Variants in ALDH3B2 observed in about 807,000 individuals in gnomAD.
ALDH3B2 encodes aldehyde dehydrogenase 3 family member B2, also known as aldehyde dehydrogenase family 3 member B2.
A neutral mutation model predicts 36.7 loss-of-function variants in ALDH3B2; 45 were observed. That is an observed-to-expected ratio of 1.23 (90% CI 0.97 to 1.57). The LOEUF (loss-of-function observed/expected upper bound fraction) is 1.57. Among genes scored for constraint, ALDH3B2 ranks in the 40% most tolerant of loss-of-function variants. The pLI, the probability that ALDH3B2 is intolerant of heterozygous loss-of-function variation, is 0.00. For synonymous variants in ALDH3B2, 217 were observed against 226.5 expected, an observed-to-expected ratio of 0.96 and a Z score of 0.38; for missense variants, 464 against 513.3, an observed-to-expected ratio of 0.90 and a Z score of 0.93.
At position 67,672,134 on chromosome 11, in the gene ALDH3B2, G is replaced by GTA. The variant is rs59299469; in HGVS notation, c.-245+2301_-245+2302dup. ...TGTGTGTGTGTGTGTGTGTGTGTGT[G>GTA]TATATATATATGTATTTTTTTTTTT... On this transcript the variant is annotated intron_variant, in intron 1 of 9. Transcript: ENST00000349015. Among the ~76,000 whole-genome samples the GTA allele has an allele frequency of 2.1e-3, 209 of 97,602 alleles. 6 individuals carry two copies. The highest frequency in any genetic ancestry group is 7.6e-3 in the African/African-American group (159 of 20,882). 64.0% of individuals were successfully genotyped at this position (97,602 alleles called of 152,430 possible).
chr11:67,666,914 T>C (rs755502152), exon 3 of ALDH3B2: 1 of 1,614,192 alleles, frequency 6.2e-7, no homozygotes, highest in Non-Finnish European at 8.5e-7. Context: ...ACCAGGTTCG[T>C]GGACCGTGGT....
chr11:67,667,037 A>G, intron 2 of ALDH3B2, 21 bp from the exon 3 acceptor site: 2 of 1,484,084 alleles, frequency 1.3e-6, no homozygotes, highest in South Asian at 1.1e-5. Context: ...GGTGGAATTC[A>G]GAGTGGTCAG....
chr11:67,668,594 GT>G (rs1855987151), intron 1 of ALDH3B2, among the ~76,000 whole-genome samples: 1 of 152,044 alleles, frequency 6.6e-6, no homozygotes, highest in African/African-American at 2.4e-5. Flanking sequence ...TTGTGTCTGT[GT>G]GTCTTTGTAT....
At chr11:67,676,901 G>A (rs556845463), upstream of ALDH3B2, among the ~76,000 whole-genome samples, 25 of 152,164 alleles carry the variant, frequency 1.6e-4, no homozygotes, top group African/African-American at 5.8e-4. Context: ...GTTTAAATCA[G>A]GAAGAATTAG....
chr11:67,665,574 G>A lies in ALDH3B2; in HGVS notation c.417C>T (p.Asp139=), dbSNP rs144373609. Reference sequence around the variant, plus strand: ...CCACGGTCTGGGGGTCGCAGTTGTCGTCCACGTAGCAGGGGTTCTTGCCCC... The same window carrying A: ...CCACGGTCTGGGGGTCGCAGTTGTCATCCACGTAGCAGGGGTTCTTGCCCC... Residue 139 remains aspartate, a synonymous_variant, in exon 7 of 10, where the codon GAC becomes GAT. Transcript: ENST00000349015. 513 of 1,614,100 alleles carry A rather than the reference G, an allele frequency of 3.2e-4. 7 individuals carry two copies. In the South Asian group the frequency reaches 4.7e-3, roughly 15 times the overall value.
chr11:67,667,296 G>GT (rs1855947697), intron 2 of ALDH3B2, among the ~76,000 whole-genome samples, 177 bp downstream of exon 2: 2 of 151,024 alleles, frequency 1.3e-5, no homozygotes. Context: ...GGGTGGCTGT[G>GT]AGTGTTCAGG....
At chr11:67,668,372 G>A (rs1486938678) in intron 1 of ALDH3B2, among the ~76,000 whole-genome samples, 1 of 152,132 alleles carries the variant, frequency 6.6e-6, no homozygotes, top group Non-Finnish European at 1.5e-5. Flanking sequence ...GGGCCCAAGG[G>A]AACCCCAGTG....
At chr11:67,665,608 A>G (rs1855884398) in exon 7 of ALDH3B2, 1 of 1,613,820 alleles carries the variant, frequency 6.2e-7, no homozygotes, top group Non-Finnish European at 8.5e-7. Flanking sequence ...CCCCAGCTCC[A>G]GGGTGACAGG....
intron 1 of ALDH3B2, among the ~76,000 whole-genome samples, chr11:67,668,209 T>TGGGGAGGG (rs1460446720): frequency 6.6e-6 from 1 of 152,072 alleles, no homozygotes; most frequent in Non-Finnish European, 1.5e-5. Flanking sequence ...GCACCTGCTC[T>TGGGGAGGG]GGGGAGGGGG....
intron 2 of ALDH3B2, among the ~76,000 whole-genome samples, chr11:67,667,226 C>T (rs1195568374): frequency 1.3e-5 from 2 of 152,204 alleles, no homozygotes; most frequent in African/African-American, 2.4e-5. Context: ...CGATGTTAAC[C>T]CCTGAGTGCC....
intron 1 of ALDH3B2, among the ~76,000 whole-genome samples, chr11:67,680,309 A>G (rs2514058): frequency 0.96 from 146,503 of 152,274 alleles, 70,711 homozygotes; most frequent in Non-Finnish European, 1. Context: ...GTGAGACTCC[A>G]TCTCAAGAAA....
intron 6 of ALDH3B2, 44 bp from the exon 7 acceptor site, chr11:67,665,715 C>T (rs1283044107): frequency 7.0e-6 from 11 of 1,568,780 alleles, no homozygotes. Flanking sequence ...GTGACCTGGA[C>T]CAGGCAGGAT....
chr11:67,672,188 C>T (rs2134154582), intron 1 of ALDH3B2, among the ~76,000 whole-genome samples: 1 of 142,746 alleles, frequency 7.0e-6, no homozygotes, highest in East Asian at 2.0e-4. Context: ...TCTCTTGTTG[C>T]CCAGGCCAGA....
intron 1 of ALDH3B2, among the ~76,000 whole-genome samples, chr11:67,679,853 A>C (rs1030808775): frequency 6.6e-6 from 1 of 152,232 alleles, no homozygotes; most frequent in Non-Finnish European, 1.5e-5. Flanking sequence ...CTTATTTTGC[A>C]CATAAATTGG....
At chr11:67,666,929 C>T (rs1449081853) in exon 3 of ALDH3B2, 1 of 1,614,200 alleles carries the variant, frequency 6.2e-7, no homozygotes. Flanking sequence ...CGTGGTTCAT[C>T]CTTCATCCAG....
At chr11:67,663,148 G>A (rs1221137039) in exon 10 of ALDH3B2, 1 of 1,505,684 alleles carries the variant, frequency 6.6e-7, no homozygotes, top group East Asian at 2.3e-5. Flanking sequence ...ATGTGAGTTG[G>A]GAGCATAAGC....
chr11:67,669,838 G>C (rs1466644460), intron 1 of ALDH3B2, among the ~76,000 whole-genome samples: 2 of 141,130 alleles, frequency 1.4e-5, no homozygotes, highest in Non-Finnish European at 3.1e-5. Context: ...GTGTCTGTGT[G>C]TGTATGGGTG....
chr11:67,678,276 C>T (rs758251032), upstream of ALDH3B2, among the ~76,000 whole-genome samples: 5 of 152,132 alleles, frequency 3.3e-5, no homozygotes, highest in African/African-American at 1.2e-4. Flanking sequence ...ACTAGGCACA[C>T]AGACCAATGG....
intron 1 of ALDH3B2, among the ~76,000 whole-genome samples, chr11:67,668,542 G>C (rs982606100): frequency 2.0e-4 from 31 of 152,168 alleles, no homozygotes; most frequent in Admixed American, 1.9e-3. Flanking sequence ...GTATCCGTGT[G>C]TCTGTGTGTG....
Sources: gnomAD v4.1 joint callset for allele counts (sites outside exome capture counted in the v4.1 genomes callset) on GRCh38, gnomAD v4.1.1 for gene constraint, MANE v1.5 for transcripts, NCBI Gene and HGNC (gene_info 2026-07-23, HGNC 2026-07-21) for gene names.